Variants in DOCK8 observed in about 807,000 individuals in gnomAD.
DOCK8 encodes dedicator of cytokinesis protein 8.
A neutral mutation model predicts 245.6 loss-of-function variants in DOCK8; 141 were observed. The observed-to-expected ratio is 0.57, with a 90% CI of 0.50 to 0.66. The LOEUF is 0.66. Among genes scored for constraint, DOCK8 ranks in the 30% least tolerant of loss-of-function variants. The pLI is 0.00. For missense variants in DOCK8, 2,965 were observed against 2,603.4 expected (o/e 1.14, Z -3.02); for synonymous variants, 1,168 against 970.2 (o/e 1.20, Z -3.79).
intron 3 of DOCK8, 142 bp from the exon 4 acceptor site, chr9:289,368 T>G: frequency 1.4e-6 from 1 of 705,646 alleles, no homozygotes; most frequent in African/African-American, 1.8e-5. Flanking sequence ...ACTTCAGACA[T>G]TTGGAATGAT....
intron 1 of DOCK8, among the ~76,000 whole-genome samples, chr9:265,678 GATA>G (rs1245264628): frequency 1.3e-5 from 2 of 152,134 alleles, no homozygotes; most frequent in African/African-American, 4.8e-5. Flanking sequence ...CATACCAGCA[GATA>G]ATGAAAGAAT....
At chr9:369,941 A>G (rs926435821) in intron 15 of DOCK8, 26 of 432,752 alleles carry the variant, frequency 6.0e-5, no homozygotes, top group African/African-American at 4.0e-4. Flanking sequence ...AGCAGGGACT[A>G]TACGCATGTG....
rs781052664 is a variant in DOCK8, at chr9:286,424, G to A, written c.157-37G>A. The A allele has an allele frequency of 4.4e-6, 7 of 1,609,164 alleles. No homozygotes were observed. In the African/African-American group the frequency reaches 6.7e-5, roughly 15 times the overall value. ...CCTTTGTGCTTTTACCAGAAAACTG[G>A]GTGAGAACCTCCTTTTCCTTTTCCC... On this transcript the variant is annotated intron_variant, in intron 2 of 47. Coordinates refer to ENST00000432829, the MANE Select transcript of DOCK8 (RefSeq NM_203447.4).
chr9:463,366 T>G lies in DOCK8; in HGVS notation c.6069-151T>G, dbSNP rs149538561. On this transcript the variant is annotated intron_variant, in intron 46 of 47. Transcript: ENST00000432829. ...CTGAGATAGATCCCAGAAATCTGCA[T>G]TTTGAAAAGCTCCACAGGTGATCCC... is the stretch of plus-strand genomic sequence containing the variant. 231 of 842,632 alleles carry G rather than the reference T, an allele frequency of 2.7e-4. 3 individuals carry two copies. The African/African-American group carries it at 3.6e-3, about 13-fold the overall frequency. 52.2% of individuals were successfully genotyped at this position (842,632 alleles called of 1,614,324 possible).
In DOCK8 at chr9:464,228, A is replaced by G. The variant is rs1466823337; in HGVS notation, c.*9A>G. ...TGTCACAGGGCAGCTAAGAAAAGCC[A>G]TCTTCATTCGTGGAGACTGTGGCCC... is the stretch of plus-strand genomic sequence containing the variant. On this transcript the variant is annotated 3_prime_UTR_variant, in exon 48 of 48. Coordinates refer to ENST00000432829, the MANE Select transcript of DOCK8 (RefSeq NM_203447.4). The G allele has an allele frequency of 6.2e-7, 1 of 1,612,754 alleles. No individual in the cohort carries two copies. Among genetic ancestry groups the G allele is most frequent in the Non-Finnish European group, 8.5e-7 (1 of 1,178,744 alleles).
intron 46 of DOCK8, chr9:456,507 GA>G (rs999174201): frequency 6.6e-6 from 1 of 152,206 alleles, no homozygotes; most frequent in African/African-American, 2.4e-5. Flanking sequence ...GCTAATAGCG[GA>G]AACATTTGCT....
chr9:362,072 C>G (rs2052756536), intron 14 of DOCK8, among the ~76,000 whole-genome samples: 1 of 151,968 alleles, frequency 6.6e-6, no homozygotes, highest in South Asian at 2.1e-4. Flanking sequence ...TTTTTAAGGC[C>G]CTGTAAGTAA....
chr9:261,333 CACTT>C (rs1274550797), intron 1 of DOCK8, among the ~76,000 whole-genome samples: 1 of 151,890 alleles, frequency 6.6e-6, no homozygotes, highest in African/African-American at 2.4e-5. Context: ...TTTTAAAATC[CACTT>C]ACTTAGCCCA....
At chr9:445,075 C>T (rs2057209581) in intron 43 of DOCK8, among the ~76,000 whole-genome samples, 1 of 152,222 alleles carries the variant, frequency 6.6e-6, no homozygotes, top group Non-Finnish European at 1.5e-5. Context: ...TGCTTTCTCA[C>T]TTAAGACACA....
chr9:343,540 A>T (rs1443151080), intron 14 of DOCK8, among the ~76,000 whole-genome samples: 1 of 152,152 alleles, frequency 6.6e-6, no homozygotes, highest in Non-Finnish European at 1.5e-5. Context: ...ACAAACAGCT[A>T]TTCACACAGG....
At chr9:352,658 G>A (rs10814088) in intron 14 of DOCK8, among the ~76,000 whole-genome samples, 82,398 of 150,816 alleles carry the variant, frequency 0.55, 23,978 homozygotes, top group East Asian at 0.81. Context: ...CAGGAGAATC[G>A]CTTGAACTTG....
intron 28 of DOCK8, among the ~76,000 whole-genome samples, chr9:408,698 A>G (rs1040645415): frequency 7.9e-5 from 12 of 152,360 alleles, no homozygotes; most frequent in African/African-American, 2.2e-4. Context: ...AGTATTTACA[A>G]TAGCGTAGTT....
In DOCK8 at chr9:328,322, T is replaced by A. The variant is rs562453858; in HGVS notation, c.1044+151T>A. 3 of 1,116,800 alleles carry A rather than the reference T, an allele frequency of 2.7e-6. No homozygotes were observed. In the South Asian group the frequency reaches 4.0e-5, roughly 15 times the overall value. 69.2% of individuals were successfully genotyped at this position (1,116,800 alleles called of 1,614,324 possible). A position where few individuals can be genotyped will look rare whatever the true frequency, so the allele number is the denominator to read the frequency against. ...TTCTCAGTTTACCCCTTTTCCGTTC[T>A]AAGTAAACTGTTTCAGATACTAGAA... is the stretch of plus-strand genomic sequence containing the variant. On this transcript the variant is annotated intron_variant, in intron 9 of 47. Transcript: ENST00000432829.
intron 25 of DOCK8, among the ~76,000 whole-genome samples, 160 bp downstream of exon 25, chr9:397,094 G>C (rs187314932): frequency 1.0e-3 from 154 of 152,224 alleles, no homozygotes; most frequent in African/African-American, 3.6e-3. Context: ...CCTGATGTGG[G>C]GCTGGAAAAT....
chr9:446,249 G>A, intron 43 of DOCK8, 121 bp from the exon 44 acceptor site: 1 of 848,450 alleles, frequency 1.2e-6, no homozygotes, highest in Non-Finnish European at 2.0e-6. Flanking sequence ...TGCATCTGTA[G>A]CTTTTCTGCA....
chr9:329,059 C>T (rs940757270), intron 9 of DOCK8, among the ~76,000 whole-genome samples: 2 of 147,520 alleles, frequency 1.4e-5, no homozygotes, highest in African/African-American at 5.0e-5. Context: ...AAACGATTCT[C>T]CTGCCTCAGC....
At chr9:418,021 G>A in intron 29 of DOCK8, 47 bp from the exon 30 acceptor site, 4 of 1,613,368 alleles carry the variant, frequency 2.5e-6, no homozygotes, top group Non-Finnish European at 3.4e-6. Flanking sequence ...GGGACATGGG[G>A]AAATGTCATG....
chr9:395,753 A>T (rs757084936), intron 24 of DOCK8, among the ~76,000 whole-genome samples: 51 of 152,170 alleles, frequency 3.4e-4, no homozygotes, highest in Admixed American at 1.2e-3. Context: ...CCTGGCCCCA[A>T]GAAGATGTCC....
chr9:461,099 G>GT (rs1194902544), intron 46 of DOCK8, among the ~76,000 whole-genome samples: 1 of 152,198 alleles, frequency 6.6e-6, no homozygotes, highest in East Asian at 1.9e-4. Flanking sequence ...TCTTTGGTGT[G>GT]TACCGTACCG....
Sources: gnomAD v4.1 joint callset for allele counts (sites outside exome capture counted in the v4.1 genomes callset) on GRCh38, gnomAD v4.1.1 for gene constraint, MANE v1.5 for transcripts, NCBI Gene and HGNC (gene_info 2026-07-23, HGNC 2026-07-21) for gene names.